ARMC1: variants seen among roughly 807,000 people sequenced by gnomAD.
ARMC1 encodes the protein armadillo repeat-containing protein 1.
Under a neutral mutation model 31.4 loss-of-function variants are expected in ARMC1, and 16 were observed. The ratio of observed to expected loss-of-function variants is 0.51; its 90% CI spans 0.34 to 0.77. The LOEUF is 0.77. Among genes scored for constraint, ARMC1 ranks in the 30% least tolerant of loss-of-function variants. The probability of loss-of-function intolerance (pLI) is 0.01; values close to 1 mark genes in which losing one functional copy is unlikely to be tolerated. For synonymous variants in ARMC1, 114 were observed against 118.9 expected (o/e 0.96, Z 0.27); for missense variants, 259 against 347.5 (o/e 0.75, Z 2.02).
chr8:65,621,672 C>T (rs1057307603), intron 3 of ARMC1, among the ~76,000 whole-genome samples: 6 of 152,074 alleles, frequency 3.9e-5, no homozygotes, highest in African/African-American at 1.4e-4. Flanking sequence ...CCACACCAGG[C>T]TAATTTTTGT....
intron 3 of ARMC1, among the ~76,000 whole-genome samples, chr8:65,617,897 T>C (rs1808306995): frequency 7.8e-6 from 1 of 128,668 alleles, no homozygotes; most frequent in Non-Finnish European, 1.6e-5. Flanking sequence ...TAAGGCAGTA[T>C]ACTAATTAAT....
chr8:65,616,339 T>C (rs949878665), intron 3 of ARMC1, among the ~76,000 whole-genome samples: 89 of 152,330 alleles, frequency 5.8e-4, no homozygotes, highest in African/African-American at 2.1e-3. Context: ...TTCGCTGTGT[T>C]GGCCGGGCTG....
intron 4 of ARMC1, among the ~76,000 whole-genome samples, chr8:65,606,722 T>C (rs1404775058): frequency 6.6e-6 from 1 of 152,176 alleles, no homozygotes; most frequent in African/African-American, 2.4e-5. Context: ...AACTCCAAAG[T>C]CCAGTTCCTA....
intron 6 of ARMC1, among the ~76,000 whole-genome samples, chr8:65,604,823 T>C (rs1807968369): frequency 6.6e-6 from 1 of 152,112 alleles, no homozygotes; most frequent in Non-Finnish European, 1.5e-5. Flanking sequence ...AGCAAGTGTC[T>C]AGCCACTGCA....
chr8:65,609,871 A>G (rs374798022), intron 4 of ARMC1, among the ~76,000 whole-genome samples: 3 of 23,884 alleles, frequency 1.3e-4, no homozygotes, highest in African/African-American at 4.0e-4. Context: ...AAAAAAAAAA[A>G]AAAAAGAAAA....
At chr8:65,630,119 T>C (rs1808610033) in intron 1 of ARMC1, among the ~76,000 whole-genome samples, 2 of 152,166 alleles carry the variant, frequency 1.3e-5, no homozygotes, top group African/African-American at 4.8e-5. Context: ...CACTCCAGCC[T>C]GGGTGACAGA....
At chr8:65,617,488 G>GC in intron 3 of ARMC1, among the ~76,000 whole-genome samples, 1 of 152,174 alleles carries the variant, frequency 6.6e-6, no homozygotes, top group South Asian at 2.1e-4. Flanking sequence ...ACTGCGGAAG[G>GC]CCGCAGGGTC....
chr8:65,628,555 T>C (rs977275712), intron 1 of ARMC1, among the ~76,000 whole-genome samples: 1 of 150,670 alleles, frequency 6.6e-6, no homozygotes, highest in Admixed American at 6.6e-5. Context: ...CCTCATACTT[T>C]CGTTTTAAAA....
At chr8:65,625,609 CCT>C (rs1488899099) in intron 2 of ARMC1, among the ~76,000 whole-genome samples, 4 of 152,132 alleles carry the variant, frequency 2.6e-5, no homozygotes, top group South Asian at 4.1e-4. Flanking sequence ...AGATCAACCC[CCT>C]CTTTCTTCTC....
chr8:65,609,312 T>G (rs1808072783), intron 4 of ARMC1, among the ~76,000 whole-genome samples: 1 of 152,120 alleles, frequency 6.6e-6, no homozygotes, highest in Non-Finnish European at 1.5e-5. Context: ...ATTACTTGAT[T>G]TGTGCTAGCT....
chr8:65,617,161 G>A (rs1289754706), intron 3 of ARMC1, among the ~76,000 whole-genome samples: 60 of 152,246 alleles, frequency 3.9e-4, no homozygotes, highest in African/African-American at 1.4e-3. Flanking sequence ...GATGACGATG[G>A]CGGTTTTGTC....
intron 4 of ARMC1, among the ~76,000 whole-genome samples, chr8:65,606,288 G>A (rs1585701294): frequency 6.6e-6 from 1 of 151,476 alleles, no homozygotes; most frequent in South Asian, 2.1e-4. Context: ...TTGAACCCGG[G>A]AGGCGGAGGT....
chr8:65,616,843 G>GC (rs1808275764), intron 3 of ARMC1, among the ~76,000 whole-genome samples: 1 of 151,674 alleles, frequency 6.6e-6, no homozygotes, highest in Admixed American at 6.6e-5. Context: ...GAAGTGAGGA[G>GC]CCCCTCCACC....
Position 65,613,300 on chromosome 8 carries a change from T to G in ARMC1, c.409A>C (p.Thr137Pro), listed in dbSNP as rs1808181769. ...ACTGTTTTGGCACGTTTGTTTGTAG[T>G]TCCCAGAAAAAATTGAGCTTTCCTT... ...RRRKAQFFLG[T>P]TNKRAKTVVL... The change falls in exon 4 of 7, where the codon ACT becomes CCT. Residue 137 changes from threonine (T) to proline (P), a missense_variant. Coordinates refer to ENST00000276569, the MANE Select transcript of ARMC1 (RefSeq NM_018120.6). 1 of 1,612,302 alleles carries G rather than the reference T, an allele frequency of 6.2e-7. No individual in the cohort carries two copies. The highest frequency in any genetic ancestry group is 8.5e-7 in the Non-Finnish European group (1 of 1,179,450).
chr8:65,611,780 CTTTTT>C (rs1166154141), intron 4 of ARMC1, among the ~76,000 whole-genome samples: 1 of 144,330 alleles, frequency 6.9e-6, no homozygotes, highest in South Asian at 2.2e-4. Context: ...CTTTTTTTTT[CTTTTT>C]TTTTTTGAGA....
At chr8:65,628,391 ATTTTT>A (rs763494218) in intron 1 of ARMC1, among the ~76,000 whole-genome samples, 3 of 78,810 alleles carry the variant, frequency 3.8e-5, no homozygotes, top group African/African-American at 9.9e-5. Flanking sequence ...CGCCCGGCTA[ATTTTT>A]TTTTTTTTTT....
chr8:65,618,589 C>T (rs1213255954), intron 3 of ARMC1, among the ~76,000 whole-genome samples: 1 of 149,426 alleles, frequency 6.7e-6, no homozygotes, highest in African/African-American at 2.4e-5. Context: ...AAAAGTTTTC[C>T]ACATCAATTT....
intron 3 of ARMC1, among the ~76,000 whole-genome samples, chr8:65,620,342 C>T (rs1194793770): frequency 7.1e-6 from 1 of 140,566 alleles, no homozygotes; most frequent in African/African-American, 2.7e-5. Context: ...CATTCTGTCG[C>T]CCAGGCTAGA....
At chr8:65,609,880 AAG>A (rs5892029) in intron 4 of ARMC1, among the ~76,000 whole-genome samples, 400 of 8,956 alleles carry the variant, frequency 0.045, 3 homozygotes, top group African/African-American at 0.19. Flanking sequence ...AAAAAAAGAA[AAG>A]AAAAAGAAAA....
Sources: allele counts gnomAD v4.1 joint callset (sites outside exome capture counted in the v4.1 genomes callset), GRCh38; gene constraint gnomAD v4.1.1; transcripts MANE v1.5; gene names NCBI Gene and HGNC (gene_info 2026-07-23, HGNC 2026-07-21).